The following GALNT10 variants were observed in gnomAD, a reference collection of about 807,000 sequenced individuals.
The protein encoded by GALNT10 is GalNAc transferase 10.
In GALNT10, 41 loss-of-function variants were observed where a neutral mutation model predicts 75.0. The ratio of observed to expected loss-of-function variants is 0.55; its 90% CI spans 0.43 to 0.71. The LOEUF is 0.71. GALNT10 is among the 30% of genes least tolerant of loss of function. The pLI is 0.00. For synonymous variants in GALNT10, 302 were observed against 313.0 expected (o/e 0.96, Z 0.37); for missense variants, 727 against 818.5 (o/e 0.89, Z 1.36).
At chr5:154,394,250 G>A (rs1226454549) in intron 7 of GALNT10, among the ~76,000 whole-genome samples, 4 of 151,462 alleles carry the variant, frequency 2.6e-5, no homozygotes, top group Non-Finnish European at 5.9e-5. Flanking sequence ...GGAGACTGGG[G>A]TTCGCTTTGT....
chr5:154,326,654 A>G (rs527982429), intron 3 of GALNT10, among the ~76,000 whole-genome samples: 6 of 152,326 alleles, frequency 3.9e-5, no homozygotes, highest in African/African-American at 1.2e-4. Flanking sequence ...AAAAGCCTCA[A>G]ATATGAATCC....
At chr5:154,345,865 G>A (rs1755114412) in intron 4 of GALNT10, among the ~76,000 whole-genome samples, 1 of 146,750 alleles carries the variant, frequency 6.8e-6, no homozygotes, top group Non-Finnish European at 1.5e-5. Context: ...GGCTAGTCTT[G>A]AACTCTGGGG....
At chr5:154,330,601 C>T (rs73807607) in intron 4 of GALNT10, among the ~76,000 whole-genome samples, 7,543 of 152,164 alleles carry the variant, frequency 0.05, 582 homozygotes, top group African/African-American at 0.16. Context: ...AACTCAGTCT[C>T]GGGTTTAAGA....
Position 154,368,605 on chromosome 5 carries a change from T to C in GALNT10, c.569-7672T>C, listed in dbSNP as rs1056925236. The stretch of plus-strand genomic sequence containing the variant: ...TCCTCTAGCTGAACTCTGAGCTTCC[T>C]TTCAGCTCTGCCACTCTCTAAAATT... On this transcript the variant is annotated intron_variant, in intron 4 of 11. Transcript: ENST00000297107. Among the ~76,000 whole-genome samples, 15 of 152,342 alleles carry C rather than the reference T, an allele frequency of 9.8e-5. No individual in the cohort carries two copies. The East Asian group carries it at 1.5e-3, about 16-fold the overall frequency.
At chr5:154,228,129 A>G (rs1753091418) in intron 1 of GALNT10, among the ~76,000 whole-genome samples, 1 of 152,204 alleles carries the variant, frequency 6.6e-6, no homozygotes, top group African/African-American at 2.4e-5. Context: ...CCTAGAAGCC[A>G]AACAGATGCT....
Position 154,243,689 on chromosome 5 carries a change from G to A in GALNT10, c.160-51127G>A, listed in dbSNP as rs186826484. Among the ~76,000 whole-genome samples, 286 of 152,268 alleles carry A rather than the reference G, an allele frequency of 1.9e-3. 4 individuals are homozygous for A. The highest frequency in any genetic ancestry group is 6.8e-3 in the African/African-American group (281 of 41,544). On this transcript the variant is annotated intron_variant, in intron 1 of 11. Coordinates refer to ENST00000297107, the MANE Select transcript of GALNT10 (RefSeq NM_198321.4). The stretch of plus-strand genomic sequence containing the variant: ...GTTAATAGAATTAATTCTTTAAATA[G>A]GGTCTGTCACAGAGTAAACCGTTGA...
rs1774843739 is a variant in GALNT10 at position 154,190,796 on chromosome 5, G to A, written c.-71G>A. Reference sequence around the variant, plus strand: ...GCTGAGCTGCTGCCGCCGCCGGGCGGACGGGCGGACGCGCGGAGCTGGGGG... The same window carrying A: ...GCTGAGCTGCTGCCGCCGCCGGGCGAACGGGCGGACGCGCGGAGCTGGGGG... On this transcript the variant is annotated 5_prime_UTR_variant, in exon 1 of 12. Coordinates refer to ENST00000297107, the MANE Select transcript of GALNT10 (RefSeq NM_198321.4). 8 of 821,564 alleles carry A rather than the reference G, an allele frequency of 9.7e-6. No homozygotes were observed. The highest frequency in any genetic ancestry group is 1.2e-5 in the Non-Finnish European group (8 of 678,092). 50.9% of individuals were successfully genotyped at this position (821,564 alleles called of 1,614,324 possible). A position where few individuals can be genotyped will look rare whatever the true frequency, so the allele number is the denominator to read the frequency against.
chr5:154,272,007 A>T (rs6881721), intron 1 of GALNT10, among the ~76,000 whole-genome samples: 10 of 152,114 alleles, frequency 6.6e-5, no homozygotes, highest in Admixed American at 6.5e-4. Flanking sequence ...ACTTATAATT[A>T]TGCTTTGCCT....
chr5:154,222,046 G>A (rs1407140449), intron 1 of GALNT10, among the ~76,000 whole-genome samples: 2 of 151,898 alleles, frequency 1.3e-5, no homozygotes, highest in Non-Finnish European at 2.9e-5. Context: ...ATAAACCTGT[G>A]AAGCCATCAT....
chr5:154,244,837 G>A (rs1262895460), intron 1 of GALNT10, among the ~76,000 whole-genome samples: 1 of 152,206 alleles, frequency 6.6e-6, no homozygotes, highest in East Asian at 1.9e-4. Flanking sequence ...GCAAATGGAG[G>A]TTGGGACTTT....
At chr5:154,410,788 T>C (rs1463523883) in intron 9 of GALNT10, among the ~76,000 whole-genome samples, 2 of 152,342 alleles carry the variant, frequency 1.3e-5, no homozygotes, top group East Asian at 3.9e-4. Context: ...ACATGCTGCA[T>C]GCAGACAGGG....
At chr5:154,397,409 A>G (rs745496789) in intron 7 of GALNT10, among the ~76,000 whole-genome samples, 1 of 152,156 alleles carries the variant, frequency 6.6e-6, no homozygotes, top group Admixed American at 6.5e-5. Context: ...AGGACACCAT[A>G]TGGATAGCTC....
intron 7 of GALNT10, chr5:154,387,822 C>CAAA (rs1755829380): frequency 2.1e-5 from 3 of 144,602 alleles, no homozygotes; most frequent in Non-Finnish European, 3.0e-5. Flanking sequence ...TTGATTAGCC[C>CAAA]AAAAAAAAAA....
At chr5:154,383,420 A>G (rs994696457) in intron 6 of GALNT10, among the ~76,000 whole-genome samples, 2 of 152,218 alleles carry the variant, frequency 1.3e-5, no homozygotes, top group African/African-American at 2.4e-5. Context: ...CCGTCTGTAA[A>G]GGAGACTAAT....
intron 4 of GALNT10, among the ~76,000 whole-genome samples, chr5:154,374,188 A>G (rs1755621916): frequency 6.6e-6 from 1 of 152,176 alleles, no homozygotes. Flanking sequence ...ATTAGGGCAA[A>G]TTGATTTCTG....
chr5:154,296,477 C>T (rs900516479), intron 2 of GALNT10, among the ~76,000 whole-genome samples: 3 of 152,126 alleles, frequency 2.0e-5, no homozygotes, highest in African/African-American at 7.2e-5. Flanking sequence ...CTGGGCTAAC[C>T]AGCAAGACAA....
At chr5:154,202,823 C>A (rs1775046446) in intron 1 of GALNT10, among the ~76,000 whole-genome samples, 1 of 152,152 alleles carries the variant, frequency 6.6e-6, no homozygotes, top group Admixed American at 6.5e-5. Flanking sequence ...TAGGGTGGGG[C>A]CTCTCTGCTT....
chr5:154,332,535 GC>G (rs1754882518), intron 4 of GALNT10, among the ~76,000 whole-genome samples: 1 of 152,196 alleles, frequency 6.6e-6, no homozygotes, highest in African/African-American at 2.4e-5. Flanking sequence ...CATGCTGCAT[GC>G]GCGGTTACAT....
At chr5:154,243,976 G>A (rs141845249) in intron 1 of GALNT10, among the ~76,000 whole-genome samples, 218 of 152,320 alleles carry the variant, frequency 1.4e-3, no homozygotes, top group African/African-American at 5.2e-3. Context: ...TATAGATGAG[G>A]ATAAGAGGCC....
Sources: allele counts gnomAD v4.1 joint callset (sites outside exome capture counted in the v4.1 genomes callset), GRCh38; gene constraint gnomAD v4.1.1; transcripts MANE v1.5; gene names NCBI Gene and HGNC (gene_info 2026-07-23, HGNC 2026-07-21).